The following SLC1A4 variants were observed in gnomAD, a reference collection of about 807,000 sequenced individuals.
SLC1A4 encodes the protein solute carrier family 1 member 4, also known as neutral amino acid transporter A.
A neutral mutation model predicts 37.7 loss-of-function variants in SLC1A4; 19 were observed. That is an observed-to-expected ratio of 0.50 (90% confidence interval 0.35 to 0.74). The LOEUF (loss-of-function observed/expected upper bound fraction) is 0.74, where lower values mean the gene tolerates loss of function less well. SLC1A4 is among the 30% of genes least tolerant of loss of function. SLC1A4 has a pLI of 0.01. For missense variants in SLC1A4, 570 were observed against 712.9 expected (o/e 0.80, Z 2.28); for synonymous variants, 299 against 309.8 (o/e 0.97, Z 0.37).
At chr2:65,013,514 G>T (rs1004297268) in intron 4 of SLC1A4, among the ~76,000 whole-genome samples, 1 of 152,174 alleles carries the variant, frequency 6.6e-6, no homozygotes, top group Admixed American at 6.5e-5. Context: ...GAGCCATAGC[G>T]CCCGGCCGGA....
rs372246824 is a variant in SLC1A4 at position 65,018,528 on chromosome 2, G to C, written c.1230-17G>C. The C allele has an allele frequency of 5.8e-5, 93 of 1,613,622 alleles. 2 individuals are homozygous for C. In the African/African-American group the frequency reaches 1.2e-3, roughly 20 times the overall value. ...ACGCTCTATGTTAATGGCTGGCCCT[G>C]CTCTGCCATCCCTTAGAGTGACTGC... On this transcript the variant is annotated splice_polypyrimidine_tract_variant and intron_variant, in intron 6 of 7. Transcript: ENST00000234256. This position sits in a 1 kb window ranked among gnomAD's most constrained non-coding sequence, Gnocchi z 4.3.
At chr2:65,002,678 C>T (rs577883362) in intron 2 of SLC1A4, among the ~76,000 whole-genome samples, 5 of 149,788 alleles carry the variant, frequency 3.3e-5, no homozygotes, top group South Asian at 2.1e-4. Context: ...CCCAGGTTCA[C>T]GCCATTCTCC....
rs569236320 is a variant in SLC1A4 at position 65,021,796 on chromosome 2, T to C, written c.*650T>C. 4.6e-5 allele frequency: 7 copies of C among 152,718 alleles called. No homozygotes were observed. The highest frequency in any genetic ancestry group is 1.7e-4 in the African/African-American group (7 of 41,572). 9.5% of individuals were successfully genotyped at this position (152,718 alleles called of 1,614,324 possible). Reference sequence around the variant, plus strand: ...GGTCCACAGCCTTAGGTAAACAACTTAGATTCTGAGGTCAAAGAAAAAAGG... The same window carrying C: ...GGTCCACAGCCTTAGGTAAACAACTCAGATTCTGAGGTCAAAGAAAAAAGG... On this transcript the variant is annotated 3_prime_UTR_variant, in exon 8 of 8. Coordinates refer to ENST00000234256, the MANE Select transcript of SLC1A4 (RefSeq NM_003038.5).
In SLC1A4 at chr2:65,022,464, G is replaced by A. The variant is rs1035450691; in HGVS notation, c.*1318G>A. 2 of 151,984 alleles carry A rather than the reference G, an allele frequency of 1.3e-5. No individual in the cohort carries two copies. Among genetic ancestry groups the A allele is most frequent in the Non-Finnish European group, 2.9e-5 (2 of 68,010 alleles). The allele number at this position is 151,984 out of a possible 1,614,324, so 9.4% of individuals were successfully genotyped here. ...CACCTGCCTCTTACCTACCTCAGAGGGATTTGGTGAAGCAAACTGTTAATC... is the reference window on the plus strand; with the variant it reads ...CACCTGCCTCTTACCTACCTCAGAGAGATTTGGTGAAGCAAACTGTTAATC... On this transcript the variant is annotated 3_prime_UTR_variant, in exon 8 of 8. Coordinates refer to ENST00000234256, the MANE Select transcript of SLC1A4 (RefSeq NM_003038.5).
intron 3 of SLC1A4, among the ~76,000 whole-genome samples, chr2:65,009,379 GAAAA>G (rs199853664): frequency 1.2e-5 from 1 of 86,514 alleles, no homozygotes; most frequent in Non-Finnish European, 2.7e-5. Context: ...GTCTCAAAAA[GAAAA>G]AAAAAAAGAA....
intron 5 of SLC1A4, among the ~76,000 whole-genome samples, chr2:65,017,510 A>G (rs1674196740): frequency 6.6e-6 from 1 of 152,054 alleles, no homozygotes; most frequent in African/African-American, 2.4e-5. Context: ...AAAAAAAAAA[A>G]ATTAGGGAAG....
At chr2:65,014,756 T>C (rs1445326123) in intron 4 of SLC1A4, among the ~76,000 whole-genome samples, 1 of 152,244 alleles carries the variant, frequency 6.6e-6, no homozygotes, top group African/African-American at 2.4e-5. Context: ...TTAGCATCTC[T>C]ACCTAGAGAA....
intron 1 of SLC1A4, among the ~76,000 whole-genome samples, chr2:64,998,965 C>CT (rs1673367328): frequency 6.6e-6 from 1 of 152,144 alleles, no homozygotes; most frequent in South Asian, 2.1e-4. Context: ...CTGTCAACAA[C>CT]TGAGGATTGT....
Position 65,016,549 on chromosome 2 carries a change from G to A in SLC1A4, c.910G>A (p.Gly304Ser). 1.2e-6 allele frequency: 2 copies of A among 1,614,016 alleles called. No individual in the cohort carries two copies. Among genetic ancestry groups the A allele is most frequent in the Non-Finnish European group, 1.7e-6 (2 of 1,179,912 alleles). Residue 304 changes from glycine (G) to serine (S), a missense_variant, in exon 5 of 8, where the codon GGC (glycine) becomes AGC (serine). Coordinates refer to ENST00000234256, the MANE Select transcript of SLC1A4 (RefSeq NM_003038.5). ...LGKYIFASIL[G>S]HVIHGGIVLP... ...GAAATACATCTTCGCATCTATATTG[G>A]GCCATGTTATTCATGGAGGAATTGT...
upstream of SLC1A4, chr2:64,988,595 G>T (rs190292992): frequency 6.6e-6 from 1 of 152,368 alleles, no homozygotes; most frequent in Non-Finnish European, 1.5e-5. Flanking sequence ...GGGTTTGGTG[G>T]CACAGCGAGC....
At chr2:65,001,337 G>C in intron 1 of SLC1A4, 111 bp from the exon 2 acceptor site, 2 of 957,408 alleles carry the variant, frequency 2.1e-6, no homozygotes, top group South Asian at 2.8e-5. Flanking sequence ...AAAAGTTCAA[G>C]GCTGCAGTGA....
Position 65,010,636 on chromosome 2 carries a change from G to C in SLC1A4, c.673G>C (p.Gly225Arg), listed in dbSNP as rs755193928. 1 of 1,613,888 alleles carries C rather than the reference G, an allele frequency of 6.2e-7. No homozygotes were observed. Among genetic ancestry groups the C allele is most frequent in the Admixed American group, 1.7e-5 (1 of 59,966 alleles). ...GTEIEGMNIL[G>R]LVLFALVLGV... ...TGAGATAGAAGGGATGAACATTTTA[G>C]GATTGGTCCTGTTTGCTCTGGTGTT... Residue 225 changes from glycine to arginine, a missense_variant, in exon 4 of 8, where the codon GGA becomes CGA. Gly to Arg is a moderately radical substitution (Grantham distance 125, BLOSUM62 -2). Coordinates refer to ENST00000234256, the MANE Select transcript of SLC1A4 (RefSeq NM_003038.5).
intron 7 of SLC1A4, among the ~76,000 whole-genome samples, chr2:65,019,484 C>G (rs1171482533): frequency 6.6e-6 from 1 of 152,082 alleles, no homozygotes; most frequent in Non-Finnish European, 1.5e-5. Context: ...CGAGTTAGCA[C>G]GGGAACAGCA....
chr2:65,020,532 G>T (rs933704113), intron 7 of SLC1A4, among the ~76,000 whole-genome samples: 9 of 152,128 alleles, frequency 5.9e-5, no homozygotes, highest in South Asian at 2.1e-4. Flanking sequence ...CTCCCAAATT[G>T]CTGGGATTAC....
At position 65,018,045 on chromosome 2, in the gene SLC1A4, T is replaced by C; in HGVS notation, c.1035-26T>C. ...GCCTGCCTCGGACTGTTGTCATGTC[T>C]GGCGGTTTGTTTTTCCCATTTCTAG... is the stretch of plus-strand genomic sequence containing the variant. On this transcript the variant is annotated intron_variant, in intron 5 of 7. Transcript: ENST00000234256. This position sits in a 1 kb window ranked among gnomAD's most constrained non-coding sequence, Gnocchi z 4.3. The C allele has an allele frequency of 6.2e-7, 1 of 1,605,620 alleles. No individual in the cohort carries two copies. The highest frequency in any genetic ancestry group is 8.5e-7 in the Non-Finnish European group (1 of 1,173,676).
Position 65,020,530 on chromosome 2 carries a change from T to C in SLC1A4, c.1365-382T>C, listed in dbSNP as rs900938159. On this transcript the variant is annotated intron_variant, in intron 7 of 7. Coordinates refer to ENST00000234256, the MANE Select transcript of SLC1A4 (RefSeq NM_003038.5). ...AGTCCTCCCACCTCAGCCTCCCAAATTGCTGGGATTACAGACATGAGCCAC... is the reference window on the plus strand; with the variant it reads ...AGTCCTCCCACCTCAGCCTCCCAAACTGCTGGGATTACAGACATGAGCCAC... Among the ~76,000 whole-genome samples the C allele has an allele frequency of 2.0e-5, 3 of 152,216 alleles. No homozygotes were observed. The East Asian group carries it at 5.8e-4, about 29-fold the overall frequency.
At chr2:65,016,358 C>A in intron 4 of SLC1A4, 82 bp from the exon 5 acceptor site, 1 of 1,101,798 alleles carries the variant, frequency 9.1e-7, no homozygotes, top group Non-Finnish European at 1.4e-6. Context: ...CTGAAAGTCC[C>A]TGCATTCTGC....
Position 65,018,237 on chromosome 2 carries a change from C to T in SLC1A4, c.1201C>T (p.Leu401Phe), listed in dbSNP as rs1490202669. ...VFIAQLNNVELNAGQIFTILV... is the reference protein window; with the variant it reads ...VFIAQLNNVEFNAGQIFTILV... ...CATTGCGCAACTCAACAACGTAGAG[C>T]TCAACGCAGGACAGATTTTCACCAT... is the stretch of plus-strand genomic sequence containing the variant. The change falls in exon 6 of 8, where the codon CTC (leucine) becomes TTC (phenylalanine). Residue 401 changes from leucine (L) to phenylalanine (F), a missense_variant. Transcript: ENST00000234256. The surrounding 1 kb of genome is among the most constrained non-coding windows in gnomAD (Gnocchi z 4.3). 2 of 1,614,178 alleles carry T rather than the reference C, an allele frequency of 1.2e-6. No homozygotes were observed. Among genetic ancestry groups the T allele is most frequent in the East Asian group, 4.5e-5 (2 of 44,882 alleles).
In SLC1A4 at chr2:64,989,577, G is replaced by T; in HGVS notation, c.-67G>T. The T allele has an allele frequency of 7.4e-7, 1 of 1,356,344 alleles. No homozygotes were observed. Among genetic ancestry groups the T allele is most frequent in the East Asian group, 3.0e-5 (1 of 33,700 alleles). 84.0% of individuals were successfully genotyped at this position (1,356,344 alleles called of 1,614,324 possible). A position where few individuals can be genotyped will look rare whatever the true frequency, so the allele number is the denominator to read the frequency against. ...CAACTGGCCGACCGACCCATTCATT[G>T]GGAACCCCGTCTTTTGCCAGAGCCC... is the stretch of plus-strand genomic sequence containing the variant. On this transcript the variant is annotated 5_prime_UTR_variant, in exon 1 of 8. Coordinates refer to ENST00000234256, the MANE Select transcript of SLC1A4 (RefSeq NM_003038.5).
Sources: allele counts gnomAD v4.1 joint callset (sites outside exome capture counted in the v4.1 genomes callset), GRCh38; gene constraint gnomAD v4.1.1; non-coding constraint Gnocchi (gnomAD v3.1); transcripts MANE v1.5; gene names NCBI Gene and HGNC (gene_info 2026-07-23, HGNC 2026-07-21).